UQCC1: variants seen among roughly 807,000 people sequenced by gnomAD.
UQCC1 encodes ubiquinol-cytochrome c reductase complex assembly factor 1.
UQCC1 carries 38 observed loss-of-function variants against 48.0 expected under a neutral mutation model. The observed-to-expected ratio is 0.79, with a 90% CI of 0.61 to 1.04. The LOEUF (loss-of-function observed/expected upper bound fraction) is 1.04, where lower values mean the gene tolerates loss of function less well. Among genes scored for constraint, UQCC1 ranks in the 50% least tolerant of loss-of-function variants. The probability of loss-of-function intolerance (pLI) is 0.00; values close to 1 mark genes in which losing one functional copy is unlikely to be tolerated. For synonymous variants in UQCC1, 111 were observed against 129.2 expected (o/e 0.86, Z 0.95); for missense variants, 368 against 381.8 (o/e 0.96, Z 0.30).
At chr20:35,347,359 G>A in intron 6 of UQCC1, 87 bp from the exon 7 acceptor site, 2 of 1,531,274 alleles carry the variant, frequency 1.3e-6, no homozygotes, top group Non-Finnish European at 1.8e-6. Context: ...ATCTAAGAGT[G>A]AGTTTAGCAA....
At chr20:35,411,754 C>CTAA (rs966816418) in intron 1 of UQCC1, among the ~76,000 whole-genome samples, 186 bp downstream of exon 1, 4 of 152,126 alleles carry the variant, frequency 2.6e-5, no homozygotes, top group Non-Finnish European at 4.4e-5. Context: ...GATGGGGGAG[C>CTAA]TAAGGTCAAA....
intron 1 of UQCC1, among the ~76,000 whole-genome samples, chr20:35,404,384 A>G (rs1366909323): frequency 4.7e-5 from 6 of 128,710 alleles, no homozygotes; most frequent in African/African-American, 2.0e-4. Context: ...AAAAAAAAAA[A>G]ACAAAATTAG....
At position 35,386,899 on chromosome 20, in the gene UQCC1, G is replaced by A. The variant is rs143502881; in HGVS notation, c.130-2766C>T. On this transcript the variant is annotated intron_variant, in intron 2 of 9. Coordinates refer to ENST00000374385, the MANE Select transcript of UQCC1 (RefSeq NM_018244.5). ...TATAAACACACACATTTACTTTTTT[G>A]TACTACCCACTCTTGTCCTTGCACT... Among the ~76,000 whole-genome samples the A allele has an allele frequency of 6.1e-3, 928 of 151,704 alleles. 5 individuals carry two copies. Among genetic ancestry groups the A allele is most frequent in the Middle Eastern group, 0.027 (8 of 294 alleles).
At chr20:35,362,957 G>A (rs1016378801) in intron 6 of UQCC1, among the ~76,000 whole-genome samples, 3 of 150,912 alleles carry the variant, frequency 2.0e-5, no homozygotes, top group African/African-American at 4.9e-5. Context: ...CTGTACAGGG[G>A]AGCTGCTTCT....
intron 6 of UQCC1, among the ~76,000 whole-genome samples, chr20:35,351,854 G>A (rs1359091747): frequency 6.6e-6 from 1 of 152,224 alleles, no homozygotes; most frequent in Non-Finnish European, 1.5e-5. Flanking sequence ...AAGGCAAAAT[G>A]AAGACACTTT....
rs369043590 is a variant in UQCC1 at position 35,358,143 on chromosome 20, C to T, written c.464+8414G>A. 7.0e-4 allele frequency among the ~76,000 whole-genome samples: 107 copies of T among 152,158 alleles called. 1 individual carries two copies. In the East Asian group the frequency reaches 0.019, roughly 27 times the overall value. ...CCGAGGAGGGTGGATCACCTGAGGTCAGGAGTTTGAGACCAGCCTGGCCAA... is the reference window on the plus strand; with the variant it reads ...CCGAGGAGGGTGGATCACCTGAGGTTAGGAGTTTGAGACCAGCCTGGCCAA... On this transcript the variant is annotated intron_variant, in intron 6 of 9. Transcript: ENST00000374385.
At position 35,304,044 on chromosome 20, in the gene UQCC1, C is replaced by A. The variant is rs752380779; in HGVS notation, c.791G>T (p.Gly264Val). 1 of 1,614,032 alleles carries A rather than the reference C, an allele frequency of 6.2e-7. No individual in the cohort carries two copies. The highest frequency in any genetic ancestry group is 1.3e-5 in the African/African-American group (1 of 74,906). The change falls in exon 10 of 10, where the codon GGG becomes GTG. Residue 264 changes from glycine to valine, a missense_variant. By Grantham distance (109) the Gly-to-Val change is moderately radical. Transcript: ENST00000374385. ...CTCCCCTGTCAGAAGCAGATCCTCC[C>A]CGTTCATGGAGTCCAGGTACTGTAT... ...KQIQYLDSMN[G>V]EDLLLTGEVS...
At chr20:35,375,449 C>A (rs1600973489) in intron 4 of UQCC1, among the ~76,000 whole-genome samples, 1 of 152,150 alleles carries the variant, frequency 6.6e-6, no homozygotes, top group Admixed American at 6.5e-5. Flanking sequence ...AAAGTTAATA[C>A]AGGGGAAAAT....
intron 1 of UQCC1, among the ~76,000 whole-genome samples, chr20:35,399,801 T>C (rs1204542509): frequency 2.1e-5 from 3 of 141,724 alleles, no homozygotes; most frequent in African/African-American, 8.0e-5. Context: ...GAGATTACAG[T>C]GAGCCAAAAT....
At chr20:35,385,829 T>C (rs529731843) in intron 2 of UQCC1, among the ~76,000 whole-genome samples, 1 of 152,100 alleles carries the variant, frequency 6.6e-6, no homozygotes, top group Non-Finnish European at 1.5e-5. Context: ...TGGGATTTTT[T>C]TTTTTTTAAA....
intron 8 of UQCC1, among the ~76,000 whole-genome samples, chr20:35,313,147 C>T (rs562867040): frequency 7.9e-5 from 12 of 151,864 alleles, no homozygotes; most frequent in African/African-American, 1.5e-4. Context: ...GAGGCCGAGG[C>T]GGGCAGATCA....
intron 7 of UQCC1, among the ~76,000 whole-genome samples, chr20:35,338,091 T>C (rs189108171): frequency 2.0e-5 from 3 of 151,552 alleles, no homozygotes; most frequent in Admixed American, 2.0e-4. Context: ...CTAAGGCAAA[T>C]TCAGATGATG....
At chr20:35,313,435 CACCCAAGAT>C (rs1159181651) in intron 8 of UQCC1, among the ~76,000 whole-genome samples, 1 of 143,092 alleles carries the variant, frequency 7.0e-6, no homozygotes, top group African/African-American at 2.6e-5. Flanking sequence ...TGTGGAAGGA[CACCCAAGAT>C]ACATACTTCA....
In UQCC1 at chr20:35,314,730, G is replaced by C; in HGVS notation, c.609C>G (p.Leu203=). The C allele has an allele frequency of 1.9e-6, 3 of 1,608,686 alleles. No homozygotes were observed. The highest frequency in any genetic ancestry group is 2.6e-6 in the Non-Finnish European group (3 of 1,175,818). Residue 203 remains leucine (L), a synonymous_variant, in exon 8 of 10, where the codon CTC becomes CTG. Transcript: ENST00000374385. ...NPYILKKNMI[L]MTNHFYAAIL... Reference sequence around the variant, plus strand: ...TCGCTGCATAGAAATGATTTGTCATGAGGATCATGTTCTTCTTCAGGATAT... The same window carrying C: ...TCGCTGCATAGAAATGATTTGTCATCAGGATCATGTTCTTCTTCAGGATAT...
intron 7 of UQCC1, among the ~76,000 whole-genome samples, chr20:35,335,993 G>A (rs1358682072): frequency 6.6e-6 from 1 of 152,032 alleles, no homozygotes; most frequent in African/African-American, 2.4e-5. Flanking sequence ...AGCACGGAGA[G>A]AACCCATCTC....
chr20:35,366,449 C>T, intron 6 of UQCC1, 108 bp downstream of exon 6: 1 of 924,714 alleles, frequency 1.1e-6, no homozygotes, highest in East Asian at 2.6e-5. Context: ...TTTTTAACAC[C>T]TGAACAACTG....
chr20:35,357,633 T>C (rs989824393), intron 6 of UQCC1, among the ~76,000 whole-genome samples: 5 of 146,738 alleles, frequency 3.4e-5, no homozygotes, highest in Admixed American at 1.4e-4. Context: ...GGTAGTGCCA[T>C]TGTACTCCAG....
chr20:35,310,920 G>C (rs886503651), intron 8 of UQCC1, among the ~76,000 whole-genome samples: 2 of 146,942 alleles, frequency 1.4e-5, no homozygotes, highest in African/African-American at 2.5e-5. Context: ...GGCTGGTCTC[G>C]AACTCTTGGC....
Position 35,397,728 on chromosome 20 carries a change from T to C in UQCC1, c.25-3532A>G, listed in dbSNP as rs114235017. On this transcript the variant is annotated intron_variant, in intron 1 of 9. Transcript: ENST00000374385. ...GTTATATGCAAATACTATGCCACTT[T>C]GTATCAAGGACTTGAGCATCCACGG... 6.8e-3 allele frequency among the ~76,000 whole-genome samples: 1,039 copies of C among 152,248 alleles called. 16 individuals are homozygous for C. Among genetic ancestry groups the C allele is most frequent in the African/African-American group, 0.024 (991 of 41,534 alleles).
Sources: gnomAD v4.1 joint callset for allele counts (sites outside exome capture counted in the v4.1 genomes callset) on GRCh38, gnomAD v4.1.1 for gene constraint, MANE v1.5 for transcripts, NCBI Gene and HGNC (gene_info 2026-07-23, HGNC 2026-07-21) for gene names.